The following ACTR3C variants were observed in gnomAD, a reference collection of about 807,000 sequenced individuals.
The protein encoded by ACTR3C is actin-related protein 3C.
ACTR3C carries 18 observed loss-of-function variants against 26.3 expected under a neutral mutation model. That is an observed-to-expected ratio of 0.68 (90% confidence interval 0.47 to 1.01). The LOEUF (loss-of-function observed/expected upper bound fraction) is 1.01. Ranked by LOEUF, ACTR3C falls within the 50% of genes least tolerant of loss-of-function variation. The probability of loss-of-function intolerance (pLI) is 0.00; values close to 1 mark genes in which losing one functional copy is unlikely to be tolerated. For synonymous variants in ACTR3C, 55 were observed against 94.5 expected (o/e 0.58, Z 2.42); for missense variants, 184 against 250.7 (o/e 0.73, Z 1.80).
the ACTR3C span, among the ~76,000 whole-genome samples, chr7:150,057,226 C>T: frequency 6.6e-6 from 1 of 150,592 alleles, no homozygotes; most frequent in African/African-American, 2.4e-5. Flanking sequence ...AATACTGATC[C>T]TCGGGTGGTA....
chr7:149,977,298 ATGACACCAGCCCG>A, the ACTR3C span, among the ~76,000 whole-genome samples: 3 of 152,196 alleles, frequency 2.0e-5, no homozygotes, highest in African/African-American at 7.2e-5. Context: ...CATTGTTGAG[ATGACACCAGCCCG>A]TGATCCAGGT....
the ACTR3C span, among the ~76,000 whole-genome samples, chr7:150,037,157 C>A: frequency 2.6e-4 from 14 of 53,050 alleles, no homozygotes; most frequent in South Asian, 5.0e-4. Context: ...GGGGTGCCTC[C>A]CCCCCTGTGA....
At chr7:150,031,643 GTA>G in the ACTR3C span, among the ~76,000 whole-genome samples, 1 of 152,122 alleles carries the variant, frequency 6.6e-6, no homozygotes, top group Non-Finnish European at 1.5e-5. Context: ...ACAGGCAGGT[GTA>G]TTTATACCAT....
chr7:150,154,364 G>T, the ACTR3C span, among the ~76,000 whole-genome samples: 3 of 151,658 alleles, frequency 2.0e-5, no homozygotes, highest in Non-Finnish European at 4.4e-5. Context: ...TCTTTGTTTT[G>T]GTCTCAGTAG....
the ACTR3C span, among the ~76,000 whole-genome samples, chr7:149,970,197 C>G: frequency 6.6e-6 from 1 of 151,794 alleles, no homozygotes; most frequent in Non-Finnish European, 1.5e-5. Context: ...GAAATGCTAT[C>G]GTTCTGCACC....
At chr7:150,295,623 A>T (rs2259276) in intron 1 of ACTR3C, among the ~76,000 whole-genome samples, 2 of 134,372 alleles carry the variant, frequency 1.5e-5, no homozygotes, top group African/African-American at 5.7e-5. Flanking sequence ...CTTCAATAAC[A>T]TAACACCTAA....
chr7:150,249,510 G>A (rs1370903368), intron 6 of ACTR3C, among the ~76,000 whole-genome samples: 1 of 152,108 alleles, frequency 6.6e-6, no homozygotes, highest in African/African-American at 2.4e-5. Flanking sequence ...CTGGAGTGCA[G>A]TGGCACGATC....
the ACTR3C span, among the ~76,000 whole-genome samples, chr7:150,168,028 T>C: frequency 2.0e-5 from 3 of 150,960 alleles, no homozygotes; most frequent in Admixed American, 6.5e-5. Flanking sequence ...ATTCCATCAA[T>C]TGTGAAGGTG....
the ACTR3C span, among the ~76,000 whole-genome samples, chr7:150,102,953 G>T: frequency 1.3e-5 from 2 of 152,076 alleles, no homozygotes; most frequent in Admixed American, 6.6e-5. Flanking sequence ...TTTGTTGTTG[G>T]ATGTTTGATA....
the ACTR3C span, among the ~76,000 whole-genome samples, chr7:150,012,178 G>A: frequency 1.3e-5 from 2 of 152,038 alleles, no homozygotes; most frequent in Admixed American, 6.6e-5. Context: ...GCCTGTCCAC[G>A]GATTGCTGGT....
At chr7:150,162,548 C>T in the ACTR3C span, among the ~76,000 whole-genome samples, 1 of 152,104 alleles carries the variant, frequency 6.6e-6, no homozygotes, top group Non-Finnish European at 1.5e-5. Context: ...AACTCTTGAC[C>T]TTGTGATTCG....
At chr7:149,964,718 A>G in the ACTR3C span, among the ~76,000 whole-genome samples, 3 of 152,204 alleles carry the variant, frequency 2.0e-5, no homozygotes, top group Non-Finnish European at 2.9e-5. Flanking sequence ...ATACATAGTC[A>G]GATCAATATT....
At chr7:150,279,761 C>T (rs1445756829) in intron 6 of ACTR3C, among the ~76,000 whole-genome samples, 2 of 152,172 alleles carry the variant, frequency 1.3e-5, no homozygotes, top group East Asian at 1.9e-4. Context: ...TTTCTTGATC[C>T]CCTCTAATTA....
the ACTR3C span, among the ~76,000 whole-genome samples, chr7:150,144,699 C>T: frequency 9.9e-5 from 15 of 152,000 alleles, no homozygotes; most frequent in African/African-American, 1.4e-4. The surrounding 1 kb of genome is among the most constrained non-coding windows in gnomAD (Gnocchi z 4.6). Flanking sequence ...AATGGAGAAT[C>T]GAAGTTTACT....
chr7:150,000,545 T>C, the ACTR3C span, among the ~76,000 whole-genome samples: 1 of 78,386 alleles, frequency 1.3e-5, no homozygotes, highest in Admixed American at 1.6e-4. Flanking sequence ...CATGGGTAGA[T>C]AAATCTTTGT....
At chr7:150,158,133 C>T in the ACTR3C span, among the ~76,000 whole-genome samples, 12 of 152,222 alleles carry the variant, frequency 7.9e-5, no homozygotes, top group South Asian at 4.1e-4. Context: ...AAATCAAAAC[C>T]GCAATGTGAC....
At chr7:150,222,099 C>G in the ACTR3C span, among the ~76,000 whole-genome samples, 1 of 151,608 alleles carries the variant, frequency 6.6e-6, no homozygotes, top group Non-Finnish European at 1.5e-5. Flanking sequence ...TATTCATGGT[C>G]ATTTCTTTAA....
the ACTR3C span, among the ~76,000 whole-genome samples, chr7:150,003,812 GTGTGTGTGGTT>G: frequency 1.3e-5 from 2 of 152,120 alleles, no homozygotes; most frequent in Non-Finnish European, 1.5e-5. Flanking sequence ...GTTTGTGTTT[GTGTGTGTGGTT>G]TGTGTGTGGT....
At chr7:150,162,395 G>A in the ACTR3C span, among the ~76,000 whole-genome samples, 7 of 151,872 alleles carry the variant, frequency 4.6e-5, no homozygotes, top group South Asian at 6.2e-4. Context: ...GTGCAATCTC[G>A]GCTCACTGCA....
Sources: allele counts gnomAD v4.1 joint callset (sites outside exome capture counted in the v4.1 genomes callset), GRCh38; gene constraint gnomAD v4.1.1; non-coding constraint Gnocchi (gnomAD v3.1); transcripts MANE v1.5; gene names NCBI Gene and HGNC (gene_info 2026-07-23, HGNC 2026-07-21).